CARMIL1: variants seen among roughly 807,000 people sequenced by gnomAD.
CARMIL1 encodes the protein capping protein regulator and myosin 1 linker 1.
Under a neutral mutation model 177.1 loss-of-function variants are expected in CARMIL1, and 90 were observed. That is an observed-to-expected ratio of 0.51 (90% CI 0.43 to 0.61). The LOEUF is 0.61. Ranked by LOEUF, CARMIL1 falls within the 20% of genes least tolerant of loss-of-function variation. The pLI is 0.00. For missense variants in CARMIL1, 1,380 were observed against 1,667.0 expected, an observed-to-expected ratio of 0.83 and a Z score of 3.00; for synonymous variants, 577 against 606.2, an observed-to-expected ratio of 0.95 and a Z score of 0.71.
intron 24 of CARMIL1, among the ~76,000 whole-genome samples, chr6:25,537,481 T>G (rs764922488): frequency 6.6e-6 from 1 of 152,212 alleles, no homozygotes; most frequent in Non-Finnish European, 1.5e-5. Context: ...GTCTAACACA[T>G]AGAGGGTGCT....
At chr6:25,288,777 T>C (rs1157751419) in intron 2 of CARMIL1, among the ~76,000 whole-genome samples, 1 of 152,172 alleles carries the variant, frequency 6.6e-6, no homozygotes, top group Non-Finnish European at 1.5e-5. Context: ...TGTGGCACCT[T>C]ATTAGCAGGA....
In CARMIL1 at chr6:25,517,209, G is replaced by A. The variant is rs537117037; in HGVS notation, c.1806-138G>A. On this transcript the variant is annotated intron_variant, in intron 21 of 36. Coordinates refer to ENST00000329474, the MANE Select transcript of CARMIL1 (RefSeq NM_017640.6). The stretch of plus-strand genomic sequence containing the variant: ...TTATCCTTGTTTTGTTAGAAATGAA[G>A]ATGAACATTATTCCTTGCTCACATA... 2.1e-5 allele frequency: 13 copies of A among 605,696 alleles called. No individual in the cohort carries two copies. In the East Asian group the frequency reaches 3.4e-4, roughly 16 times the overall value. 37.5% of individuals were successfully genotyped at this position (605,696 alleles called of 1,614,324 possible).
intron 32 of CARMIL1, among the ~76,000 whole-genome samples, chr6:25,595,930 C>G (rs760746397): frequency 6.6e-6 from 1 of 152,030 alleles, no homozygotes; most frequent in African/African-American, 2.4e-5. Context: ...TATAGTCTGC[C>G]CCTCAATTAG....
intron 2 of CARMIL1, among the ~76,000 whole-genome samples, chr6:25,292,785 A>C (rs12055533): frequency 0.44 from 67,208 of 151,804 alleles, 15,971 homozygotes; most frequent in Non-Finnish European, 0.52. Flanking sequence ...TTAGGTATAT[A>C]CCCTGGAGAG....
chr6:25,451,898 T>C, intron 8 of CARMIL1: 1 of 573,640 alleles, frequency 1.7e-6, no homozygotes, highest in South Asian at 2.1e-5. Flanking sequence ...AAATCTGGGA[T>C]TCCAGCTATA....
At chr6:25,497,893 C>T (rs182017094) in intron 16 of CARMIL1, among the ~76,000 whole-genome samples, 7 of 152,202 alleles carry the variant, frequency 4.6e-5, no homozygotes, top group Non-Finnish European at 8.8e-5. Context: ...TTCATTGTTG[C>T]GATTTTCCTT....
chr6:25,546,477 A>G (rs1809478855), intron 26 of CARMIL1, among the ~76,000 whole-genome samples: 1 of 152,006 alleles, frequency 6.6e-6, no homozygotes. Context: ...AGGCTGGAAG[A>G]TCTTTTGAGC....
intron 23 of CARMIL1, 115 bp downstream of exon 23, chr6:25,520,452 A>AT (rs1037786053): frequency 4.8e-6 from 3 of 624,646 alleles, no homozygotes; most frequent in African/African-American, 3.7e-5. Flanking sequence ...ATTTTATTTT[A>AT]TTTTTTCACA....
intron 2 of CARMIL1, among the ~76,000 whole-genome samples, chr6:25,335,265 T>C (rs1348185750): frequency 6.6e-6 from 1 of 152,228 alleles, no homozygotes; most frequent in Non-Finnish European, 1.5e-5. Context: ...GATGGATAGT[T>C]AATCCGTGAA....
At chr6:25,464,778 G>GA (rs777252268) in intron 8 of CARMIL1, among the ~76,000 whole-genome samples, 35 of 152,330 alleles carry the variant, frequency 2.3e-4, no homozygotes, top group Admixed American at 7.2e-4. Context: ...AGGACTTAAG[G>GA]AGGTGAGGAT....
At chr6:25,504,240 G>A (rs1326505305) in intron 17 of CARMIL1, among the ~76,000 whole-genome samples, 1 of 152,118 alleles carries the variant, frequency 6.6e-6, no homozygotes, top group Non-Finnish European at 1.5e-5. Context: ...ATTATTGGGA[G>A]GAAAGGGGAA....
intron 26 of CARMIL1, among the ~76,000 whole-genome samples, chr6:25,546,028 G>C (rs1260651526): frequency 6.6e-6 from 1 of 152,166 alleles, no homozygotes; most frequent in Non-Finnish European, 1.5e-5. Flanking sequence ...ATGCTTTCAG[G>C]TGTTTCAGAG....
chr6:25,417,936 A>G (rs1795503101), intron 2 of CARMIL1, among the ~76,000 whole-genome samples: 1 of 152,098 alleles, frequency 6.6e-6, no homozygotes, highest in Non-Finnish European at 1.5e-5. Context: ...AATGCTCGAC[A>G]AAGAGTAGCA....
intron 2 of CARMIL1, among the ~76,000 whole-genome samples, chr6:25,317,562 C>T (rs1306473754): frequency 7.5e-5 from 8 of 107,124 alleles, no homozygotes; most frequent in South Asian, 3.4e-4. Flanking sequence ...TTACTTAGGA[C>T]TTTTTTTTTT....
intron 2 of CARMIL1, among the ~76,000 whole-genome samples, chr6:25,290,369 C>CTTTTT (rs910242856): frequency 1.0e-5 from 1 of 95,356 alleles, no homozygotes; most frequent in East Asian, 3.1e-4. Flanking sequence ...TGCTGGGATT[C>CTTTTT]TTTTTTTTTT....
chr6:25,293,240 G>C lies in CARMIL1; in HGVS notation c.138+8331G>C, dbSNP rs146188509. On this transcript the variant is annotated intron_variant, in intron 2 of 36. Coordinates refer to ENST00000329474, the MANE Select transcript of CARMIL1 (RefSeq NM_017640.6). ...TCCCCAGCTCTTTGAGGAAAGAGGGGCAAAGAGGGGAAAGAAGGATGCTTG... is the reference window on the plus strand; with the variant it reads ...TCCCCAGCTCTTTGAGGAAAGAGGGCCAAAGAGGGGAAAGAAGGATGCTTG... Among the ~76,000 whole-genome samples, 111 of 149,086 alleles carry C rather than the reference G, an allele frequency of 7.4e-4. 1 individual carries two copies. The highest frequency in any genetic ancestry group is 2.7e-3 in the African/African-American group (109 of 40,586).
Position 25,491,952 on chromosome 6 carries a change from G to C in CARMIL1, c.1148G>C (p.Cys383Ser). The change falls in exon 15 of 37, where the codon TGT becomes TCT. Residue 383 changes from cysteine to serine, a missense_variant. Transcript: ENST00000329474. ...SNTECSLDMV[C>S]GALLRGCLQY... Reference sequence around the variant, plus strand: ...AGTGCCTTATTTCTTTTTCAGGTCTGTGGAGCTCTTCTCCGTGGATGCCTT... The same window carrying C: ...AGTGCCTTATTTCTTTTTCAGGTCTCTGGAGCTCTTCTCCGTGGATGCCTT... 1.2e-6 allele frequency: 2 copies of C among 1,613,414 alleles called. No homozygotes were observed. The highest frequency in any genetic ancestry group is 8.5e-7 in the Non-Finnish European group (1 of 1,179,584).
intron 2 of CARMIL1, among the ~76,000 whole-genome samples, chr6:25,358,999 TATC>T (rs1788909800): frequency 1.3e-5 from 2 of 152,196 alleles, no homozygotes; most frequent in African/African-American, 4.8e-5. Context: ...AAATATGAAG[TATC>T]ATCATTCTAT....
At position 25,579,626 on chromosome 6, in the gene CARMIL1, C is replaced by G. The variant is rs556253003; in HGVS notation, c.2743-1298C>G. ...TTTATTGAACCTGCAAAACCTGTTA[C>G]TTTATAAATAGCTTTTCCTCAGTTT... On this transcript the variant is annotated intron_variant, in intron 29 of 36. Transcript: ENST00000329474. Among the ~76,000 whole-genome samples the G allele has an allele frequency of 4.6e-5, 7 of 152,262 alleles. No homozygotes were observed. In the South Asian group the frequency reaches 1.2e-3, roughly 27 times the overall value.
Sources: gnomAD v4.1 joint callset for allele counts (sites outside exome capture counted in the v4.1 genomes callset) on GRCh38, gnomAD v4.1.1 for gene constraint, MANE v1.5 for transcripts, NCBI Gene and HGNC (gene_info 2026-07-23, HGNC 2026-07-21) for gene names.